The following THADA variants were observed in gnomAD, a reference collection of about 807,000 sequenced individuals.
The protein encoded by THADA is tRNA (32-2'-O)-methyltransferase regulator THADA.
Under a neutral mutation model 219.8 loss-of-function variants are expected in THADA, and 213 were observed. The ratio of observed to expected loss-of-function variants is 0.97; its 90% CI spans 0.87 to 1.09. THADA has a LOEUF of 1.09. Among genes scored for constraint, THADA ranks in the 50% least tolerant of loss-of-function variants. THADA has a pLI of 0.00. For missense variants in THADA, 2,956 were observed against 2,311.3 expected, an observed-to-expected ratio of 1.28 and a Z score of -5.72; for synonymous variants, 1,018 against 828.9, an observed-to-expected ratio of 1.23 and a Z score of -3.92.
At chr2:43,365,534 G>A (rs1250506608) in intron 29 of THADA, among the ~76,000 whole-genome samples, 1 of 150,722 alleles carries the variant, frequency 6.6e-6, no homozygotes, top group African/African-American at 2.4e-5. Flanking sequence ...TCACGCCACC[G>A]CACTCCAGCC....
chr2:43,286,536 T>C (rs1343188518), intron 35 of THADA, among the ~76,000 whole-genome samples: 1 of 151,806 alleles, frequency 6.6e-6, no homozygotes, highest in Non-Finnish European at 1.5e-5. Context: ...AGGTCAAGAG[T>C]TCGAGACCAG....
chr2:43,447,483 C>T (rs1681727180), intron 26 of THADA, among the ~76,000 whole-genome samples: 1 of 152,176 alleles, frequency 6.6e-6, no homozygotes, highest in Non-Finnish European at 1.5e-5. Flanking sequence ...TCCCCTTTCC[C>T]TTACAAGATA....
rs1161932867 is a variant in THADA at position 43,289,293 on chromosome 2, G to C, written c.5011-2232C>G. ...TTCTAGAACAGGGACTGTTGTTCCAGATGTACTTTACTTCTATCAACTGAA... is the reference window on the plus strand; with the variant it reads ...TTCTAGAACAGGGACTGTTGTTCCACATGTACTTTACTTCTATCAACTGAA... On this transcript the variant is annotated intron_variant, in intron 34 of 37. Transcript: ENST00000405975. Among the ~76,000 whole-genome samples, 4 of 152,276 alleles carry C rather than the reference G, an allele frequency of 2.6e-5. No homozygotes were observed. In the East Asian group the frequency reaches 7.7e-4, roughly 29 times the overall value.
intron 31 of THADA, among the ~76,000 whole-genome samples, chr2:43,293,926 C>T (rs1452383802): frequency 3.9e-5 from 6 of 152,202 alleles, no homozygotes; most frequent in African/African-American, 1.2e-4. Flanking sequence ...ATGGTTTGAC[C>T]CGCAGGACTA....
At chr2:43,340,729 CA>C (rs1163593813) in intron 30 of THADA, among the ~76,000 whole-genome samples, 1 of 151,960 alleles carries the variant, frequency 6.6e-6, no homozygotes, top group Non-Finnish European at 1.5e-5. Context: ...TGTAAATTAC[CA>C]GGGACATAAA....
intron 28 of THADA, among the ~76,000 whole-genome samples, chr2:43,408,096 T>A (rs1675805183): frequency 6.6e-6 from 1 of 152,218 alleles, no homozygotes; most frequent in Admixed American, 6.5e-5. Context: ...CTTTATTCAA[T>A]ATTATCTTTA....
intron 29 of THADA, among the ~76,000 whole-genome samples, chr2:43,384,720 C>T (rs904257003): frequency 2.0e-5 from 3 of 152,178 alleles, no homozygotes; most frequent in Non-Finnish European, 4.4e-5. Flanking sequence ...AATCCCAGCA[C>T]TTTGGGAGGC....
At chr2:43,548,032 G>C (rs1574199719) in intron 20 of THADA, among the ~76,000 whole-genome samples, 1 of 152,288 alleles carries the variant, frequency 6.6e-6, no homozygotes, top group East Asian at 1.9e-4. Context: ...GTGATGTACA[G>C]ATGGGTTTTT....
chr2:43,245,542 T>A (rs776306209), intron 36 of THADA, among the ~76,000 whole-genome samples: 7 of 152,146 alleles, frequency 4.6e-5, no homozygotes, highest in Non-Finnish European at 1.0e-4. Flanking sequence ...TCCTTCTGAG[T>A]TCTTTGTGAA....
intron 30 of THADA, among the ~76,000 whole-genome samples, chr2:43,323,882 A>C (rs1221802884): frequency 6.6e-6 from 1 of 152,208 alleles, no homozygotes; most frequent in East Asian, 1.9e-4. Flanking sequence ...GTGAGAGGGA[A>C]TTCATTTGGC....
chr2:43,323,393 G>A (rs1193036187), intron 30 of THADA, among the ~76,000 whole-genome samples: 1 of 152,126 alleles, frequency 6.6e-6, no homozygotes, highest in Non-Finnish European at 1.5e-5. Context: ...CCTATCTTTT[G>A]TCTCTAGTTT....
intron 29 of THADA, among the ~76,000 whole-genome samples, chr2:43,390,541 C>T (rs1467927187): frequency 6.6e-6 from 1 of 152,162 alleles, no homozygotes; most frequent in East Asian, 1.9e-4. Context: ...AACTGCCCTC[C>T]TCTCCTATCT....
chr2:43,471,218 T>C (rs1390058616), intron 26 of THADA, among the ~76,000 whole-genome samples: 1 of 152,106 alleles, frequency 6.6e-6, no homozygotes, highest in Admixed American at 6.5e-5. Flanking sequence ...TCATAGAGTA[T>C]CTCTGATTAT....
At chr2:43,573,814 T>C (rs1699551372) in intron 11 of THADA, among the ~76,000 whole-genome samples, 1 of 152,226 alleles carries the variant, frequency 6.6e-6, no homozygotes, top group African/African-American at 2.4e-5. Context: ...TTGAATGCAG[T>C]GATTCCTGTA....
At chr2:43,519,254 T>C (rs1312092117) in intron 22 of THADA, among the ~76,000 whole-genome samples, 2 of 152,072 alleles carry the variant, frequency 1.3e-5, no homozygotes, top group African/African-American at 4.8e-5. Flanking sequence ...CAATTCCTTA[T>C]AGAAAGCAAT....
intron 20 of THADA, among the ~76,000 whole-genome samples, chr2:43,548,255 T>G (rs1226836859): frequency 1.3e-5 from 2 of 152,214 alleles, no homozygotes; most frequent in East Asian, 3.8e-4. Flanking sequence ...CCCGGCCATG[T>G]GAGGTGTCAG....
chr2:43,541,347 C>T, intron 20 of THADA, 31 bp from the exon 21 acceptor site: 1 of 1,609,422 alleles, frequency 6.2e-7, no homozygotes, highest in African/African-American at 1.3e-5. Flanking sequence ...ACGATTGCAA[C>T]CTTGATTACT....
chr2:43,401,858 T>C (rs1674886490), intron 28 of THADA, among the ~76,000 whole-genome samples: 1 of 152,018 alleles, frequency 6.6e-6, no homozygotes, highest in Non-Finnish European at 1.5e-5. Context: ...CAAGGGAGCA[T>C]AAAAATATCT....
At chr2:43,422,888 T>C (rs560835799) in intron 28 of THADA, among the ~76,000 whole-genome samples, 1 of 152,272 alleles carries the variant, frequency 6.6e-6, no homozygotes, top group Admixed American at 6.5e-5. Context: ...TCTGGCTAAT[T>C]TTTAAAATTT....
Sources: gnomAD v4.1 joint callset for allele counts (sites outside exome capture counted in the v4.1 genomes callset) on GRCh38, gnomAD v4.1.1 for gene constraint, MANE v1.5 for transcripts, NCBI Gene and HGNC (gene_info 2026-07-23, HGNC 2026-07-21) for gene names.